Variants in PBXIP1 observed in about 807,000 individuals in gnomAD.
PBXIP1 encodes PBX homeobox interacting protein 1, also known as pre-B-cell leukemia transcription factor-interacting protein 1.
In PBXIP1, 73 loss-of-function variants were observed where a neutral mutation model predicts 73.7. That is an observed-to-expected ratio of 0.99 (90% CI 0.82 to 1.20). PBXIP1 has a LOEUF of 1.20. Ranked by LOEUF, PBXIP1 falls within the 50% of genes most tolerant of loss-of-function variation. PBXIP1 has a pLI of 0.00. For missense variants in PBXIP1, 818 were observed against 911.4 expected (o/e 0.90, Z 1.32); for synonymous variants, 330 against 366.9 (o/e 0.90, Z 1.15).
Position 154,945,313 on chromosome 1 carries a change from G to T in PBXIP1, c.2103-196C>A, listed in dbSNP as rs570880694. Among the ~76,000 whole-genome samples, 6 of 152,258 alleles carry T rather than the reference G, an allele frequency of 3.9e-5. No individual in the cohort carries two copies. The East Asian group carries it at 9.7e-4, about 25-fold the overall frequency. ...GATGGGGATCTCCCTCGTCCCCTGG[G>T]CCATGCAGGTAGAGGTAGGGCAGGG... On this transcript the variant is annotated intron_variant, in intron 10 of 10. Transcript: ENST00000368463.
chr1:154,946,868 CT>C, intron 9 of PBXIP1, 65 bp from the exon 10 acceptor site: 7 of 1,440,670 alleles, frequency 4.9e-6, no homozygotes, highest in Non-Finnish European at 6.5e-6. Context: ...CCAATGCCTT[CT>C]ACCCCAATTC....
At position 154,951,239 on chromosome 1, in the gene PBXIP1, G is replaced by A; in HGVS notation, c.402C>T (p.Pro134=). ...GGCAAGGAAGACTCTCACCTGCTTTGGGGGTTGAAGGCAGGCTCTGTGGAG... is the reference window on the plus strand; with the variant it reads ...GGCAAGGAAGACTCTCACCTGCTTTAGGGGTTGAAGGCAGGCTCTGTGGAG... ...QSPPQSLPST[P]KAAWIREEGR... is the part of the protein sequence containing the mutation. The change falls in exon 5 of 11, where the codon CCC becomes CCT. Residue 134 remains proline, a synonymous_variant. Coordinates refer to ENST00000368463, the MANE Select transcript of PBXIP1 (RefSeq NM_020524.4). This position sits in a 1 kb window ranked among gnomAD's most constrained non-coding sequence, Gnocchi z 4.3. 1 of 1,613,796 alleles carries A rather than the reference G, an allele frequency of 6.2e-7. No homozygotes were observed. The highest frequency in any genetic ancestry group is 8.5e-7 in the Non-Finnish European group (1 of 1,179,804).
chr1:154,952,337 C>T (rs1263787920), intron 2 of PBXIP1, among the ~76,000 whole-genome samples: 1 of 152,174 alleles, frequency 6.6e-6, no homozygotes, highest in Non-Finnish European at 1.5e-5. Context: ...CCTGCAGCTG[C>T]CCTCTCAACT....
At position 154,946,749 on chromosome 1, in the gene PBXIP1, C is replaced by A. The variant is rs1654841249; in HGVS notation, c.925G>T (p.Glu309Ter). The A allele has an allele frequency of 1.3e-6, 2 of 1,591,800 alleles. No individual in the cohort carries two copies. The highest frequency in any genetic ancestry group is 1.7e-6 in the Non-Finnish European group (2 of 1,166,728). The change falls in exon 10 of 11, where the codon GAG becomes TAG. Residue 309 changes from glutamate to a stop codon, truncating the protein, a stop_gained. Coordinates refer to ENST00000368463, the MANE Select transcript of PBXIP1 (RefSeq NM_020524.4). LOFTEE classifies it high-confidence loss of function. ...AGAGCCCCCCGGAGCTGGGCATTCTCCTCCTCTAGCCCTTTGGGCTGGTGC... is the reference window on the plus strand; with the variant it reads ...AGAGCCCCCCGGAGCTGGGCATTCTACTCCTCTAGCCCTTTGGGCTGGTGC... ...LMHQPKGLEE[E>*]NAQLRGALQQ...
At position 154,948,369 on chromosome 1, in the gene PBXIP1, A is replaced by G. The variant is rs923119029; in HGVS notation, c.410-3T>C. ...GCGGCCCTCCTCCCTGATCCAAGCT[A>G]GGGGAAAGGACAGGGACAGGGCAGT... On this transcript the variant is annotated splice_polypyrimidine_tract_variant and splice_region_variant and intron_variant, in intron 5 of 10. Transcript: ENST00000368463. 19 of 1,576,592 alleles carry G rather than the reference A, an allele frequency of 1.2e-5. No homozygotes were observed. The highest frequency in any genetic ancestry group is 1.5e-5 in the Non-Finnish European group (17 of 1,158,942).
chr1:154,951,666 AG>A lies in PBXIP1; in HGVS notation c.178+128del, dbSNP rs1299210011. 1.4e-5 allele frequency: 20 copies of A among 1,411,542 alleles called. No individual in the cohort carries two copies. In the African/African-American group the frequency reaches 2.7e-4, roughly 19 times the overall value. 87.4% of individuals were successfully genotyped at this position (1,411,542 alleles called of 1,614,324 possible). A position where few individuals can be genotyped will look rare whatever the true frequency, so the allele number is the denominator to read the frequency against. ...AAAGCCAGGATGGAATGAGAAAAGG[AG>A]TTTGTCAACTGAGATTAATGGAGGA... On this transcript the variant is annotated intron_variant, in intron 3 of 10. Coordinates refer to ENST00000368463, the MANE Select transcript of PBXIP1 (RefSeq NM_020524.4). The surrounding 1 kb of genome is among the most constrained non-coding windows in gnomAD (Gnocchi z 4.3).
chr1:154,945,693 C>A lies in PBXIP1; in HGVS notation c.1981G>T (p.Asp661Tyr), dbSNP rs750552286. 6.2e-7 allele frequency: 1 copy of A among 1,614,232 alleles called. No homozygotes were observed. The highest frequency in any genetic ancestry group is 1.3e-5 in the African/African-American group (1 of 75,052). Residue 661 changes from aspartate (D) to tyrosine (Y), a missense_variant, in exon 10 of 11, where the codon GAT (aspartate) becomes TAT (tyrosine). Transcript: ENST00000368463. ...HDRLRFRDFV[D>Y]ALEDSLEEVA... ...TCCTCCAAGCTGTCCTCCAGGGCAT[C>A]CACAAAATCCCGGAAGCGGAGGCGG...
Position 154,945,864 on chromosome 1 carries a change from CAAAG to C in PBXIP1, c.1806_1809del (p.Phe602LeufsTer5). ...TGCCGCACTGGGGCTAGCTCTGTGC[CAAAG>C]AAAGTCAGGCCCTCCTGCCGGGCAC... On this transcript the variant is annotated frameshift_variant, in exon 10 of 11. Transcript: ENST00000368463. LOFTEE classifies it high-confidence loss of function. 1 of 1,614,158 alleles carries C rather than the reference CAAAG, an allele frequency of 6.2e-7. No homozygotes were observed. Among genetic ancestry groups the C allele is most frequent in the Non-Finnish European group, 8.5e-7 (1 of 1,179,994 alleles).
chr1:154,953,726 G>A lies in PBXIP1; in HGVS notation c.-5C>T, dbSNP rs1005231080. The A allele has an allele frequency of 4.3e-6, 7 of 1,613,074 alleles. No individual in the cohort carries two copies. In the African/African-American group the frequency reaches 9.3e-5, roughly 22 times the overall value. ...AGAGTCTGGGCAGGAGGCCATAGTT[G>A]CTGAGGTCCCTGAGGCTGCTGTGGC... On this transcript the variant is annotated 5_prime_UTR_variant, in exon 2 of 11. Coordinates refer to ENST00000368463, the MANE Select transcript of PBXIP1 (RefSeq NM_020524.4).
chr1:154,951,784 G>A lies in PBXIP1; in HGVS notation c.178+11C>T. Reference sequence around the variant, plus strand: ...TGTCCGGTAAGCTATGTCCTAAGCAGGGCCCAGTACCTTCTCCATCCATGG... The same window carrying A: ...TGTCCGGTAAGCTATGTCCTAAGCAAGGCCCAGTACCTTCTCCATCCATGG... On this transcript the variant is annotated intron_variant, in intron 3 of 10. Coordinates refer to ENST00000368463, the MANE Select transcript of PBXIP1 (RefSeq NM_020524.4). The surrounding 1 kb of genome is among the most constrained non-coding windows in gnomAD (Gnocchi z 4.3). 1 of 1,613,128 alleles carries A rather than the reference G, an allele frequency of 6.2e-7. No individual in the cohort carries two copies. Among genetic ancestry groups the A allele is most frequent in the Non-Finnish European group, 8.5e-7 (1 of 1,179,706 alleles).
At chr1:154,950,017 A>AT (rs1418092750) in intron 5 of PBXIP1, among the ~76,000 whole-genome samples, 2 of 150,518 alleles carry the variant, frequency 1.3e-5, no homozygotes, top group African/African-American at 2.5e-5. Flanking sequence ...ATTTTATTTT[A>AT]TTTATTTTTA....
rs1464302559 is a variant in PBXIP1 at position 154,951,513 on chromosome 1, G to A, written c.201C>T (p.Ser67=). 1.9e-6 allele frequency: 3 copies of A among 1,613,936 alleles called. No homozygotes were observed. The African/African-American group carries it at 4.0e-5, about 22-fold the overall frequency. ...DGEGTLFQTE[S]PQSGSILTEE... ...CTGTTAGAATGCTGCCAGACTGAGG[G>A]CTTTCAGTCTGGAAGAGCGTCCCTG... The change falls in exon 4 of 11, where the codon AGC becomes AGT. Residue 67 remains serine, a synonymous_variant. Transcript: ENST00000368463. The surrounding 1 kb of genome is among the most constrained non-coding windows in gnomAD (Gnocchi z 4.3).
chr1:154,950,612 G>C (rs1654976803), intron 5 of PBXIP1: 1 of 153,412 alleles, frequency 6.5e-6, no homozygotes, highest in African/African-American at 2.4e-5. Context: ...GCCTGGAACA[G>C]AGCTCCTTAG....
At chr1:154,945,450 C>T in intron 10 of PBXIP1, 122 bp downstream of exon 10, 1 of 1,050,266 alleles carries the variant, frequency 9.5e-7, no homozygotes, top group Admixed American at 2.1e-5. Context: ...GACCTGAATG[C>T]CTTCTCTAAG....
Position 154,951,384 on chromosome 1 carries a change from C to T in PBXIP1, c.257G>A (p.Gly86Asp), listed in dbSNP as rs752493490. 1 of 1,614,016 alleles carries T rather than the reference C, an allele frequency of 6.2e-7. No homozygotes were observed. The highest frequency in any genetic ancestry group is 2.2e-5 in the East Asian group (1 of 44,896). Residue 86 changes from glycine (G) to aspartate (D), a missense_variant, in exon 5 of 11, where the codon GGT (glycine) becomes GAT (aspartate). By Grantham distance (94) the Gly-to-Asp change is moderately conservative (BLOSUM62 -1). Coordinates refer to ENST00000368463, the MANE Select transcript of PBXIP1 (RefSeq NM_020524.4). This position sits in a 1 kb window ranked among gnomAD's most constrained non-coding sequence, Gnocchi z 4.3. ...EETEVKGTLE[G>D]DVCGVEPPGP... Reference sequence around the variant, plus strand: ...AGGAGGCTCCACACCACAAACATCACCTTCCAGGGTGCCCTAATGCAGATG... The same window carrying T: ...AGGAGGCTCCACACCACAAACATCATCTTCCAGGGTGCCCTAATGCAGATG...
rs143302711 is a variant in PBXIP1, at chr1:154,953,673, C to T, written c.49G>A (p.Glu17Lys). ...SDNSWVLAGS[E>K]SLPVETLGPA... ...GTTCCCAGGCCCGCTCTTCCTACCT[C>T]GGAGCCAGCAAGCACCCAGCTATTA... The change falls in exon 2 of 11, where the codon GAG (glutamate) becomes AAG (lysine). Residue 17 changes from glutamate (E) to lysine (K), a missense_variant and splice_region_variant. Glu to Lys is a moderately conservative substitution (Grantham distance 56). Transcript: ENST00000368463. The T allele has an allele frequency of 3.0e-5, 49 of 1,610,776 alleles. 1 individual carries two copies. In the African/African-American group the frequency reaches 6.1e-4, roughly 20 times the overall value.
rs60865672 is a variant in PBXIP1 at position 154,948,824 on chromosome 1, A to AC, written c.410-459dup. Among the ~76,000 whole-genome samples, 1,301 of 151,824 alleles carry AC rather than the reference A, an allele frequency of 8.6e-3. 18 individuals are homozygous for AC. Among genetic ancestry groups the AC allele is most frequent in the African/African-American group, 0.03 (1,242 of 41,354 alleles). ...CAATTCTCTGACCCACACCACTGAC[A>AC]CCCCCCTTCAGCAATGAGTCCTTAG... On this transcript the variant is annotated intron_variant, in intron 5 of 10. Transcript: ENST00000368463.
chr1:154,948,383 G>T lies in PBXIP1; in HGVS notation c.410-17C>A. On this transcript the variant is annotated splice_polypyrimidine_tract_variant and intron_variant, in intron 5 of 10. Transcript: ENST00000368463. ...TGATCCAAGCTAGGGGAAAGGACAG[G>T]GACAGGGCAGTGAGGTGACTGGAGA... 2 of 1,529,376 alleles carry T rather than the reference G, an allele frequency of 1.3e-6. No individual in the cohort carries two copies. The highest frequency in any genetic ancestry group is 8.9e-7 in the Non-Finnish European group (1 of 1,124,506). 94.7% of individuals were successfully genotyped at this position (1,529,376 alleles called of 1,614,324 possible).
intron 1 of PBXIP1, among the ~76,000 whole-genome samples, 187 bp downstream of exon 1, chr1:154,955,882 A>AC (rs2101991668): frequency 6.6e-6 from 1 of 152,340 alleles, no homozygotes; most frequent in African/African-American, 2.4e-5. Context: ...AAAGCAAAGG[A>AC]TCTAGGGCCA....
Sources: gnomAD v4.1 joint callset for allele counts (sites outside exome capture counted in the v4.1 genomes callset) on GRCh38, gnomAD v4.1.1 for gene constraint, Gnocchi (gnomAD v3.1) non-coding constraint, MANE v1.5 for transcripts, NCBI Gene and HGNC (gene_info 2026-07-23, HGNC 2026-07-21) for gene names.